The following CEBPZ variants were observed in gnomAD, a reference collection of about 807,000 sequenced individuals.
CEBPZ encodes the protein CCAAT/enhancer-binding protein zeta.
CEBPZ carries 78 observed loss-of-function variants against 104.5 expected under a neutral mutation model. The observed-to-expected ratio is 0.75, with a 90% CI of 0.62 to 0.90. CEBPZ has a LOEUF of 0.90. Among genes scored for constraint, CEBPZ ranks in the 40% least tolerant of loss-of-function variants. The probability of loss-of-function intolerance (pLI) is 0.00; values close to 1 mark genes in which losing one functional copy is unlikely to be tolerated. For synonymous variants in CEBPZ, 470 were observed against 427.0 expected (o/e 1.10, Z -1.24); for missense variants, 1,439 against 1,233.5 (o/e 1.17, Z -2.50).
At chr2:37,202,678 A>AT in intron 15 of CEBPZ, 106 bp downstream of exon 15, 1 of 205,272 alleles carries the variant, frequency 4.9e-6, no homozygotes, top group Non-Finnish European at 8.6e-6. Context: ...AAAAAAAAAA[A>AT]AAAAAAAAAA....
chr2:37,217,081 C>T, intron 5 of CEBPZ, 44 bp from the exon 6 acceptor site: 1 of 1,489,378 alleles, frequency 6.7e-7, no homozygotes, highest in Non-Finnish European at 9.4e-7. Flanking sequence ...CTAAGGTCGA[C>T]TCTTAGTACA....
chr2:37,222,973 G>A (rs1311571825), intron 3 of CEBPZ, among the ~76,000 whole-genome samples, 197 bp downstream of exon 3: 1 of 152,144 alleles, frequency 6.6e-6, no homozygotes, highest in Non-Finnish European at 1.5e-5. Context: ...ACAGTTTATT[G>A]CAAGTAGAAG....
Position 37,202,990 on chromosome 2 carries a change from C to T in CEBPZ, c.2903G>A (p.Arg968Lys), listed in dbSNP as rs1345653143. 1.3e-6 allele frequency: 2 copies of T among 1,551,328 alleles called. No homozygotes were observed. Among genetic ancestry groups the T allele is most frequent in the Non-Finnish European group, 8.7e-7 (1 of 1,152,648 alleles). Residue 968 changes from arginine to lysine, a missense_variant, in exon 14 of 16, where the codon AGA (arginine) becomes AAA (lysine). Arg to Lys is a conservative substitution (Grantham distance 26). Coordinates refer to ENST00000234170, the MANE Select transcript of CEBPZ (RefSeq NM_005760.3). ...GSFQGPRKKKRNLNDSSLFVS... is the reference protein window; with the variant it reads ...GSFQGPRKKKKNLNDSSLFVS... Reference sequence around the variant, plus strand: ...AAATAGGCTGGAATCATTTAAGTTTCTTTTCTTTTTTCTTGGCCCTAAAAA... The same window carrying T: ...AAATAGGCTGGAATCATTTAAGTTTTTTTTCTTTTTTCTTGGCCCTAAAAA...
chr2:37,208,050 GA>G (rs548940134), intron 13 of CEBPZ, among the ~76,000 whole-genome samples: 1 of 151,964 alleles, frequency 6.6e-6, no homozygotes, highest in African/African-American at 2.4e-5. Flanking sequence ...AAAACCTAGA[GA>G]AAAATGGATA....
Position 37,216,198 on chromosome 2 carries a change from A to G in CEBPZ, c.2322T>C (p.Asp774=), listed in dbSNP as rs769818163. Residue 774 remains aspartate, a synonymous_variant, in exon 8 of 16, where the codon GAT becomes GAC. Transcript: ENST00000234170. ...TTCTTTTCGGCTGCATCACAACACT[A>G]TCTGTGTTTTCTGAAATGTAAAATT... is the stretch of plus-strand genomic sequence containing the variant. ...PKPHKGKENT[D]SVVMQPKRKH... 3.7e-6 allele frequency: 6 copies of G among 1,612,478 alleles called. No homozygotes were observed. The highest frequency in any genetic ancestry group is 5.1e-6 in the Non-Finnish European group (6 of 1,179,122).
At position 37,205,465 on chromosome 2, in the gene CEBPZ, C is replaced by T. The variant is rs1274558477; in HGVS notation, c.2885-2457G>A. ...CTCCTGCCAGGCAGAGAACAACCCC[C>T]TTTGACTGCAATTTTCCTTTTTTCT... On this transcript the variant is annotated intron_variant, in intron 13 of 15. Transcript: ENST00000234170. Among the ~76,000 whole-genome samples the T allele has an allele frequency of 2.6e-5, 4 of 152,156 alleles. No homozygotes were observed. In the East Asian group the frequency reaches 7.7e-4, roughly 29 times the overall value.
At chr2:37,212,649 G>T in intron 10 of CEBPZ, 1 of 486,858 alleles carries the variant, frequency 2.1e-6, no homozygotes, top group Non-Finnish European at 3.6e-6. Flanking sequence ...ATGGAAAGAG[G>T]ATAAATATCA....
In CEBPZ at chr2:37,227,926, C is replaced by T. The variant is rs148682281; in HGVS notation, c.1267G>A (p.Glu423Lys). The change falls in exon 2 of 16, where the codon GAA becomes AAA. Residue 423 changes from glutamate (E) to lysine (K), a missense_variant. By Grantham distance (56) the Glu-to-Lys change is moderately conservative (BLOSUM62 1). Coordinates refer to ENST00000234170, the MANE Select transcript of CEBPZ (RefSeq NM_005760.3). ...GAGCGGAAGAGTAGCCTTTCTACTT[C>T]ACCAGACACAACTCCTTTCATATTG... ...HPNMKGVVSG[E>K]VERLLFRSNI... The T allele has an allele frequency of 1.2e-6, 2 of 1,614,206 alleles. No homozygotes were observed. Among genetic ancestry groups the T allele is most frequent in the Non-Finnish European group, 1.7e-6 (2 of 1,180,034 alleles).
chr2:37,205,648 CATT>C (rs1235872158), intron 13 of CEBPZ, among the ~76,000 whole-genome samples: 1 of 152,114 alleles, frequency 6.6e-6, no homozygotes, highest in African/African-American at 2.4e-5. Flanking sequence ...CTTTTTAAAA[CATT>C]ATTATTATTT....
At chr2:37,209,478 G>A (rs943516793) in intron 13 of CEBPZ, 2 of 152,156 alleles carry the variant, frequency 1.3e-5, no homozygotes, top group African/African-American at 4.8e-5. Flanking sequence ...AGAGAACCCA[G>A]AAATAAAGCC....
Position 37,217,010 on chromosome 2 carries a change from C to T in CEBPZ, c.2182G>A (p.Ala728Thr). 1 of 1,612,306 alleles carries T rather than the reference C, an allele frequency of 6.2e-7. No individual in the cohort carries two copies. The highest frequency in any genetic ancestry group is 8.5e-7 in the Non-Finnish European group (1 of 1,178,704). The change falls in exon 6 of 16, where the codon GCC becomes ACC. Residue 728 changes from alanine (A) to threonine (T), a missense_variant. Transcript: ENST00000234170. ...KLSVHFHPSV[A>T]LFAKTILQGN... Reference sequence around the variant, plus strand: ...TGAAGGATGGTCTTTGCAAAAAGGGCCACGGAGGGATGAAAATGCACAGAT... The same window carrying T: ...TGAAGGATGGTCTTTGCAAAAAGGGTCACGGAGGGATGAAAATGCACAGAT...
At position 37,228,752 on chromosome 2, in the gene CEBPZ, T is replaced by A; in HGVS notation, c.441A>T (p.Pro147=). 6.2e-7 allele frequency: 1 copy of A among 1,614,204 alleles called. No homozygotes were observed. Among genetic ancestry groups the A allele is most frequent in the Non-Finnish European group, 8.5e-7 (1 of 1,180,008 alleles). ...NKVKNKNRPE[P]HSDENGSTTP... is the part of the protein sequence containing the mutation. Reference sequence around the variant, plus strand: ...TGGTACTGCCATTCTCATCAGAATGTGGTTCTGGCCTATTCTTATTTTTCA... The same window carrying A: ...TGGTACTGCCATTCTCATCAGAATGAGGTTCTGGCCTATTCTTATTTTTCA... The change falls in exon 2 of 16, where the codon CCA becomes CCT. Residue 147 remains proline, a synonymous_variant. Transcript: ENST00000234170.
In CEBPZ at chr2:37,228,719, T is replaced by G. The variant is rs762897218; in HGVS notation, c.474A>C (p.Lys158Asn). Residue 158 changes from lysine to asparagine, a missense_variant, in exon 2 of 16, where the codon AAA (lysine) becomes AAC (asparagine). Coordinates refer to ENST00000234170, the MANE Select transcript of CEBPZ (RefSeq NM_005760.3). ...AGATGTTCTGTTTATCTTTCTTTAC[T>G]TTCGGTGTGGTACTGCCATTCTCAT... ...HSDENGSTTP[K>N]VKKDKQNIFE... 6.2e-7 allele frequency: 1 copy of G among 1,614,122 alleles called. No individual in the cohort carries two copies. The highest frequency in any genetic ancestry group is 1.3e-5 in the African/African-American group (1 of 74,948).
At chr2:37,231,214 C>T (rs1330855689) in intron 1 of CEBPZ, 198 bp downstream of exon 1, 1 of 741,210 alleles carries the variant, frequency 1.3e-6, no homozygotes, top group African/African-American at 1.7e-5. Context: ...GAGAATACAA[C>T]GTTCAATTCG....
chr2:37,231,173 C>T, intron 1 of CEBPZ: 2 of 686,580 alleles, frequency 2.9e-6, no homozygotes, highest in African/African-American at 1.8e-5. Flanking sequence ...TCAATAAAAT[C>T]AGAAGATCGC....
chr2:37,205,955 A>C (rs949740006), intron 13 of CEBPZ, among the ~76,000 whole-genome samples: 3 of 152,242 alleles, frequency 2.0e-5, no homozygotes, highest in Non-Finnish European at 2.9e-5. Flanking sequence ...GGTTGAGAAA[A>C]GAAAAAGATA....
At chr2:37,226,370 A>G (rs1448958932) in intron 2 of CEBPZ, among the ~76,000 whole-genome samples, 3 of 152,232 alleles carry the variant, frequency 2.0e-5, no homozygotes, top group Non-Finnish European at 4.4e-5. Flanking sequence ...AACATTTCAC[A>G]TAGCACTAAG....
intron 15 of CEBPZ, 154 bp downstream of exon 15, chr2:37,202,630 G>T: frequency 2.2e-6 from 1 of 457,024 alleles, no homozygotes. Flanking sequence ...GGGCAAGGGA[G>T]TGAGACGCTG....
intron 5 of CEBPZ, among the ~76,000 whole-genome samples, chr2:37,219,326 A>G (rs1305108767): frequency 6.6e-6 from 1 of 152,188 alleles, no homozygotes; most frequent in Non-Finnish European, 1.5e-5. Flanking sequence ...ACGAAATACT[A>G]AAAAGACATG....
Sources: allele counts gnomAD v4.1 joint callset (sites outside exome capture counted in the v4.1 genomes callset), GRCh38; gene constraint gnomAD v4.1.1; transcripts MANE v1.5; gene names NCBI Gene and HGNC (gene_info 2026-07-23, HGNC 2026-07-21).